Variants in PNKD observed in about 807,000 individuals in gnomAD.
PNKD encodes PNKD metallo-beta-lactamase domain containing, also known as probable thioesterase PNKD.
In PNKD, 36 loss-of-function variants were observed where a neutral mutation model predicts 45.3. The ratio of observed to expected loss-of-function variants is 0.80; its 90% CI spans 0.61 to 1.05. The LOEUF is 1.05. PNKD is among the 50% of genes least tolerant of loss of function. PNKD has a pLI of 0.00. For synonymous variants in PNKD, 197 were observed against 210.1 expected, an observed-to-expected ratio of 0.94 and a Z score of 0.54; for missense variants, 511 against 506.6, an observed-to-expected ratio of 1.01 and a Z score of -0.08.
rs1479227777 is a variant in PNKD at position 218,304,027 on chromosome 2, G to A, written c.236+32478G>A. On this transcript the variant is annotated intron_variant, in intron 2 of 9. Transcript: ENST00000273077. ...CTGAGTTTGGCAGTGGAGCTCTCCA[G>A]GAGGAGATGGCAGCAGAGGTGGAGG... Among the ~76,000 whole-genome samples the A allele has an allele frequency of 2.6e-5, 4 of 152,262 alleles. No individual in the cohort carries two copies. In the East Asian group the frequency reaches 7.7e-4, roughly 29 times the overall value.
rs201267475 is a variant in PNKD, at chr2:218,278,002, A to G, written c.236+6453A>G. The G allele has an allele frequency of 5.3e-5, 85 of 1,613,730 alleles. No homozygotes were observed. The Middle Eastern group carries it at 2.0e-3, about 38-fold the overall frequency. ...GAAGGGAAAGAGAAGCCTTGATTAAATGACTTGGGGCCCCTCAGGCGTCAG... is the reference window on the plus strand; with the variant it reads ...GAAGGGAAAGAGAAGCCTTGATTAAGTGACTTGGGGCCCCTCAGGCGTCAG... On this transcript the variant is annotated intron_variant, in intron 2 of 9. Coordinates refer to ENST00000273077, the MANE Select transcript of PNKD (RefSeq NM_015488.5).
chr2:218,309,279 C>T (rs972484390), intron 2 of PNKD, among the ~76,000 whole-genome samples: 10 of 151,124 alleles, frequency 6.6e-5, no homozygotes, highest in South Asian at 6.3e-4. Context: ...ATTAGCCGGG[C>T]GTGGTGGTGC....
Position 218,341,574 on chromosome 2 carries a change from C to G in PNKD, c.565C>G (p.Arg189Gly). 1.9e-6 allele frequency: 3 copies of G among 1,599,580 alleles called. No individual in the cohort carries two copies. The highest frequency in any genetic ancestry group is 2.6e-6 in the Non-Finnish European group (3 of 1,173,454). Reference protein sequence around the residue: ...GGNRDLSRRHRDCRVYGSPQD... With the variant: ...GGNRDLSRRHGDCRVYGSPQD... ...GAACCGTGACCTCAGCCGGCGGCAC[C>G]GGGACTGTCGGGTGTACGGGAGCCC... Residue 189 changes from arginine (R) to glycine (G), a missense_variant, in exon 6 of 10, where the codon CGG becomes GGG. Transcript: ENST00000273077.
intron 2 of PNKD, chr2:218,280,549 CAG>C: frequency 4.1e-6 from 1 of 241,732 alleles, no homozygotes; most frequent in Non-Finnish European, 8.3e-6. Flanking sequence ...GAGGTGAAGA[CAG>C]GGATCTGCAT....
intron 2 of PNKD, chr2:218,323,578 G>GA (rs1694058463): frequency 6.0e-6 from 3 of 501,568 alleles, no homozygotes; most frequent in South Asian, 2.6e-5. Context: ...AGACGGACTG[G>GA]AGAAGCCACT....
At chr2:218,307,045 G>A (rs1693430540) in intron 2 of PNKD, among the ~76,000 whole-genome samples, 1 of 152,198 alleles carries the variant, frequency 6.6e-6, no homozygotes, top group South Asian at 2.1e-4. Flanking sequence ...TTACAGTTGG[G>A]CAAAATCATC....
intron 1 of PNKD, chr2:218,271,140 C>T: frequency 1.7e-6 from 1 of 580,660 alleles, no homozygotes. Context: ...AACAGCGAAG[C>T]TTTTCGTCCT....
At chr2:218,317,677 C>A (rs576566205) in intron 2 of PNKD, among the ~76,000 whole-genome samples, 1 of 152,284 alleles carries the variant, frequency 6.6e-6, no homozygotes, top group South Asian at 2.1e-4. Flanking sequence ...AGGCTGGGAG[C>A]TCTGTGAGAA....
At chr2:218,293,263 G>A (rs1329739212) in intron 2 of PNKD, among the ~76,000 whole-genome samples, 5 of 152,216 alleles carry the variant, frequency 3.3e-5, no homozygotes, top group Non-Finnish European at 1.5e-5. Context: ...AGCAAAGGAG[G>A]AAACAGTTTT....
chr2:218,337,082 G>A (rs913036176), intron 2 of PNKD, among the ~76,000 whole-genome samples: 1 of 151,506 alleles, frequency 6.6e-6, no homozygotes, highest in African/African-American at 2.4e-5. Flanking sequence ...TTACAGGTGT[G>A]TGCCACTGCA....
intron 2 of PNKD, chr2:218,275,892 T>C: frequency 9.0e-7 from 1 of 1,111,742 alleles, no homozygotes; most frequent in Non-Finnish European, 1.3e-6. Flanking sequence ...ATGGAATCTC[T>C]GGACAGTAGT....
intron 2 of PNKD, among the ~76,000 whole-genome samples, chr2:218,294,803 A>G (rs1273182249): frequency 6.6e-6 from 1 of 152,164 alleles, no homozygotes; most frequent in Non-Finnish European, 1.5e-5. Context: ...AAGAGCATGA[A>G]TTCCATTCCA....
In PNKD at chr2:218,309,929, G is replaced by A. The variant is rs145681568; in HGVS notation, c.237-29854G>A. 4.4e-3 allele frequency among the ~76,000 whole-genome samples: 659 copies of A among 148,148 alleles called. 6 individuals carry two copies. Among genetic ancestry groups the A allele is most frequent in the African/African-American group, 0.015 (605 of 39,052 alleles). Reference sequence around the variant, plus strand: ...CAGCCTGGCGACAGAGCGAGATTACGTCTAAAAAAAAAAAAAAGAAAAGAA... The same window carrying A: ...CAGCCTGGCGACAGAGCGAGATTACATCTAAAAAAAAAAAAAAGAAAAGAA... On this transcript the variant is annotated intron_variant, in intron 2 of 9. Coordinates refer to ENST00000273077, the MANE Select transcript of PNKD (RefSeq NM_015488.5).
chr2:218,319,534 CCT>C (rs1460564792), intron 2 of PNKD, among the ~76,000 whole-genome samples: 1 of 151,876 alleles, frequency 6.6e-6, no homozygotes, highest in Non-Finnish European at 1.5e-5. Context: ...CACCACCATA[CCT>C]GGCTGATTTT....
intron 2 of PNKD, among the ~76,000 whole-genome samples, chr2:218,289,470 C>T (rs909169862): frequency 2.0e-5 from 3 of 151,758 alleles, no homozygotes; most frequent in African/African-American, 7.3e-5. Flanking sequence ...GGTGAAACCT[C>T]GTCTCTACTA....
At chr2:218,281,114 T>C (rs1180406472) in intron 2 of PNKD, 1 of 129,284 alleles carries the variant, frequency 7.7e-6, no homozygotes, top group East Asian at 2.3e-4. Flanking sequence ...CTTTTTTTGT[T>C]TTGTTTTGTT....
chr2:218,315,714 T>C (rs1353007996), intron 2 of PNKD, among the ~76,000 whole-genome samples: 1 of 152,268 alleles, frequency 6.6e-6, no homozygotes, highest in Non-Finnish European at 1.5e-5. Context: ...CCTTAACCCT[T>C]TAATTCGGGT....
At chr2:218,316,930 G>A (rs1693831690) in intron 2 of PNKD, 1 of 152,548 alleles carries the variant, frequency 6.6e-6, no homozygotes, top group African/African-American at 2.4e-5. Context: ...AAGGGGGTCA[G>A]GGGATCAGGA....
intron 2 of PNKD, chr2:218,323,180 G>A (rs889665823): frequency 3.0e-5 from 41 of 1,376,860 alleles, no homozygotes; most frequent in Non-Finnish European, 3.5e-5. Context: ...GTCCAGAGCC[G>A]GCAGGCAGGT....
Sources: allele counts gnomAD v4.1 joint callset (sites outside exome capture counted in the v4.1 genomes callset), GRCh38; gene constraint gnomAD v4.1.1; transcripts MANE v1.5; gene names NCBI Gene and HGNC (gene_info 2026-07-23, HGNC 2026-07-21).